The following MDGA2 variants were observed in gnomAD, a reference collection of about 807,000 sequenced individuals.
The protein encoded by MDGA2 is MAM domain-containing glycosylphosphatidylinositol anchor protein 2.
Under a neutral mutation model 117.8 loss-of-function variants are expected in MDGA2, and 40 were observed. The observed-to-expected ratio is 0.34, with a 90% CI of 0.26 to 0.44. The LOEUF is 0.44. Ranked by LOEUF, MDGA2 falls within the 20% of genes least tolerant of loss-of-function variation. The probability of loss-of-function intolerance (pLI) is 1.00; values close to 1 mark genes in which losing one functional copy is unlikely to be tolerated. For missense variants in MDGA2, 1,123 were observed against 1,250.6 expected (o/e 0.90, Z 1.54); for synonymous variants, 452 against 439.0 (o/e 1.03, Z -0.37).
chr14:47,520,556 G>A (rs532450294), intron 1 of MDGA2, among the ~76,000 whole-genome samples: 1 of 152,242 alleles, frequency 6.6e-6, no homozygotes, highest in African/African-American at 2.4e-5. Flanking sequence ...AATTATATTA[G>A]TCATTTTTTT....
chr14:47,152,765 A>G (rs1456610351), intron 3 of MDGA2, among the ~76,000 whole-genome samples: 1 of 152,202 alleles, frequency 6.6e-6, no homozygotes, highest in Non-Finnish European at 1.5e-5. Context: ...ACAGACAACT[A>G]TTTCTTTCTG....
intron 1 of MDGA2, among the ~76,000 whole-genome samples, chr14:47,400,569 C>G (rs1892113220): frequency 6.6e-6 from 1 of 150,728 alleles, no homozygotes; most frequent in Non-Finnish European, 1.5e-5. Context: ...GACTTAAAAC[C>G]CTTAGTGGTA....
intron 1 of MDGA2, among the ~76,000 whole-genome samples, chr14:47,421,215 T>C (rs1003591792): frequency 5.3e-5 from 8 of 152,084 alleles, no homozygotes; most frequent in African/African-American, 1.9e-4. Flanking sequence ...ACCTGAAATG[T>C]TTTTTACATT....
At chr14:47,309,896 C>A (rs1247987276) in intron 1 of MDGA2, among the ~76,000 whole-genome samples, 1 of 151,712 alleles carries the variant, frequency 6.6e-6, no homozygotes, top group East Asian at 1.9e-4. Flanking sequence ...TAATGGTAAA[C>A]AAAAAATAAA....
chr14:47,262,112 A>G (rs1887816235), intron 2 of MDGA2, among the ~76,000 whole-genome samples: 2 of 152,192 alleles, frequency 1.3e-5, no homozygotes, highest in African/African-American at 4.8e-5. Flanking sequence ...TACGACAAGC[A>G]GATCAGAGAG....
intron 1 of MDGA2, among the ~76,000 whole-genome samples, chr14:47,655,005 A>T (rs1292679393): frequency 6.6e-6 from 1 of 152,108 alleles, no homozygotes; most frequent in Non-Finnish European, 1.5e-5. Context: ...TAAAGACAGT[A>T]TGGCATTCTA....
chr14:47,552,865 AGCTCTT>A (rs1477391258), intron 1 of MDGA2, among the ~76,000 whole-genome samples: 1 of 152,182 alleles, frequency 6.6e-6, no homozygotes, highest in Non-Finnish European at 1.5e-5. Flanking sequence ...ACACTAAGCA[AGCTCTT>A]GCTACATCAT....
At chr14:46,869,806 GC>G (rs1285128740) in intron 14 of MDGA2, among the ~76,000 whole-genome samples, 16 of 151,930 alleles carry the variant, frequency 1.1e-4, no homozygotes, top group African/African-American at 3.6e-4. Flanking sequence ...AAAGCCTGCT[GC>G]CATGTTATGC....
chr14:47,391,331 A>C (rs1891890025), intron 1 of MDGA2, among the ~76,000 whole-genome samples: 2 of 152,164 alleles, frequency 1.3e-5, no homozygotes, highest in Non-Finnish European at 2.9e-5. Flanking sequence ...GCGATTTCTC[A>C]TTATAAATAG....
At chr14:46,861,884 T>C (rs76797079) in intron 14 of MDGA2, among the ~76,000 whole-genome samples, 1 of 151,956 alleles carries the variant, frequency 6.6e-6, no homozygotes, top group African/African-American at 2.4e-5. Flanking sequence ...TGTCAAGTCA[T>C]CTTGGTCAAC....
intron 1 of MDGA2, among the ~76,000 whole-genome samples, chr14:47,446,268 G>T (rs750772119): frequency 5.9e-5 from 9 of 152,110 alleles, no homozygotes; most frequent in Admixed American, 1.3e-4. Flanking sequence ...AGAAGCAGGG[G>T]AAAATGTTAT....
chr14:47,210,908 A>C (rs932245756), intron 3 of MDGA2, among the ~76,000 whole-genome samples: 1 of 152,186 alleles, frequency 6.6e-6, no homozygotes, highest in Admixed American at 6.6e-5. Context: ...CCTTGAGCCC[A>C]GGAGTCCAAG....
At chr14:47,449,093 T>C (rs1406720068) in intron 1 of MDGA2, among the ~76,000 whole-genome samples, 2 of 152,154 alleles carry the variant, frequency 1.3e-5, no homozygotes, top group Non-Finnish European at 2.9e-5. Context: ...TAAAATTAGA[T>C]GAACAGCCAG....
intron 3 of MDGA2, among the ~76,000 whole-genome samples, chr14:47,146,970 T>C (rs1445922466): frequency 6.6e-6 from 1 of 152,182 alleles, no homozygotes; most frequent in Non-Finnish European, 1.5e-5. Context: ...TAGTATTGGC[T>C]AGGTTATCTG....
At chr14:47,665,624 G>A (rs1897933453) in intron 1 of MDGA2, among the ~76,000 whole-genome samples, 1 of 152,190 alleles carries the variant, frequency 6.6e-6, no homozygotes, top group African/African-American at 2.4e-5. Flanking sequence ...TGCACTCGGA[G>A]CGGCCTGCTG....
At chr14:47,424,219 G>T (rs1028219615) in intron 1 of MDGA2, among the ~76,000 whole-genome samples, 1 of 152,118 alleles carries the variant, frequency 6.6e-6, no homozygotes, top group South Asian at 2.1e-4. Flanking sequence ...ATAGGAGTTT[G>T]AGACCAGTCT....
At chr14:46,990,177 A>C (rs1887031197) in intron 8 of MDGA2, among the ~76,000 whole-genome samples, 1 of 152,046 alleles carries the variant, frequency 6.6e-6, no homozygotes, top group Non-Finnish European at 1.5e-5. Flanking sequence ...GTTTGTCTTG[A>C]AAATTAAATG....
intron 1 of MDGA2, among the ~76,000 whole-genome samples, chr14:47,531,080 C>T (rs553485463): frequency 6.6e-6 from 1 of 152,188 alleles, no homozygotes; most frequent in South Asian, 2.1e-4. Context: ...CCCGTCTCTA[C>T]TAAAAATACA....
At chr14:46,923,140 G>C (rs1884197120) in intron 9 of MDGA2, among the ~76,000 whole-genome samples, 1 of 152,088 alleles carries the variant, frequency 6.6e-6, no homozygotes, top group Admixed American at 6.6e-5. Context: ...CCATTTTCAA[G>C]GTAGTAAAAA....
Sources: gnomAD v4.1 joint callset for allele counts (sites outside exome capture counted in the v4.1 genomes callset) on GRCh38, gnomAD v4.1.1 for gene constraint, MANE v1.5 for transcripts, NCBI Gene and HGNC (gene_info 2026-07-23, HGNC 2026-07-21) for gene names.